RHOBTB1: variants seen among roughly 807,000 people sequenced by gnomAD.
The protein encoded by RHOBTB1 is rho-related BTB domain-containing protein 1.
A neutral mutation model predicts 71.6 loss-of-function variants in RHOBTB1; 40 were observed. The ratio of observed to expected loss-of-function variants is 0.56; its 90% CI spans 0.43 to 0.73. The LOEUF is 0.73. RHOBTB1 is among the 30% of genes least tolerant of loss of function. The pLI, the probability that RHOBTB1 is intolerant of heterozygous loss-of-function variation, is 0.00. For synonymous variants in RHOBTB1, 319 were observed against 334.9 expected, an observed-to-expected ratio of 0.95 and a Z score of 0.52; for missense variants, 797 against 894.0, an observed-to-expected ratio of 0.89 and a Z score of 1.38.
At chr10:60,907,665 ATGG>A (rs2082747329) in intron 4 of RHOBTB1, among the ~76,000 whole-genome samples, 1 of 152,170 alleles carries the variant, frequency 6.6e-6, no homozygotes, top group Admixed American at 6.5e-5. Context: ...TTTTGGATAG[ATGG>A]ATGATTTCCC....
intron 4 of RHOBTB1, among the ~76,000 whole-genome samples, chr10:60,907,429 T>C (rs927930187): frequency 6.6e-6 from 1 of 152,192 alleles, no homozygotes; most frequent in Non-Finnish European, 1.5e-5. Context: ...ATGGTTACTA[T>C]GTATGGTTTT....
intron 4 of RHOBTB1, among the ~76,000 whole-genome samples, chr10:60,908,103 G>A (rs955874116): frequency 6.6e-6 from 1 of 152,162 alleles, no homozygotes; most frequent in African/African-American, 2.4e-5. Flanking sequence ...ATAACACTGT[G>A]GTTATACCAC....
intron 8 of RHOBTB1, among the ~76,000 whole-genome samples, chr10:60,875,431 G>A (rs1420392439): frequency 2.0e-5 from 3 of 152,148 alleles, no homozygotes; most frequent in Admixed American, 6.5e-5. Flanking sequence ...AGCCACATGT[G>A]GCCGCTGTTT....
At chr10:60,975,062 T>C (rs184100281) in intron 2 of RHOBTB1, among the ~76,000 whole-genome samples, 3 of 152,200 alleles carry the variant, frequency 2.0e-5, no homozygotes, top group Admixed American at 1.3e-4. Flanking sequence ...TATAGCAGCA[T>C]GCCAATATAC....
Position 60,874,998 on chromosome 10 carries a change from C to G in RHOBTB1, c.1771G>C (p.Val591Leu). The change falls in exon 9 of 11, where the codon GTG (valine) becomes CTG (leucine). Residue 591 changes from valine to leucine, a missense_variant. Coordinates refer to ENST00000337910, the MANE Select transcript of RHOBTB1 (RefSeq NM_014836.5). ...GAGAGCACTTCTCCGTCAATGCCCA[C>G]GCCACTCGTGGCGGCTTTGGTCAAC... ...QELTKAATSG[V>L]GIDGEVLSYL... The G allele has an allele frequency of 1.9e-6, 3 of 1,614,104 alleles. No homozygotes were observed. The highest frequency in any genetic ancestry group is 2.5e-6 in the Non-Finnish European group (3 of 1,179,972).
At chr10:60,937,947 G>T (rs4542350) in intron 2 of RHOBTB1, among the ~76,000 whole-genome samples, 7 of 152,116 alleles carry the variant, frequency 4.6e-5, no homozygotes, top group East Asian at 1.9e-4. Flanking sequence ...ACCCTCTGAG[G>T]GGGGAGGGGA....
chr10:60,898,111 A>T (rs1220505002), intron 4 of RHOBTB1, among the ~76,000 whole-genome samples: 1 of 152,084 alleles, frequency 6.6e-6, no homozygotes, highest in Non-Finnish European at 1.5e-5. Flanking sequence ...ATATGTCATC[A>T]TTGACTATTA....
chr10:60,923,561 T>C (rs2083688512), intron 2 of RHOBTB1, among the ~76,000 whole-genome samples: 1 of 152,218 alleles, frequency 6.6e-6, no homozygotes, highest in South Asian at 2.1e-4. Context: ...TTACTCATGA[T>C]TGACCAAAGA....
intron 5 of RHOBTB1, 47 bp downstream of exon 5, chr10:60,892,763 A>T: frequency 6.5e-7 from 1 of 1,542,666 alleles, no homozygotes; most frequent in Non-Finnish European, 8.8e-7. Flanking sequence ...GCTGCCTGTA[A>T]ATTTTAACTT....
intron 4 of RHOBTB1, among the ~76,000 whole-genome samples, chr10:60,896,755 G>T (rs890394804): frequency 1.3e-5 from 2 of 152,070 alleles, no homozygotes; most frequent in South Asian, 2.1e-4. Flanking sequence ...TAAAAATTTC[G>T]CTGGGTACTA....
chr10:60,896,939 A>G (rs1213763894), intron 4 of RHOBTB1, among the ~76,000 whole-genome samples: 2 of 152,198 alleles, frequency 1.3e-5, no homozygotes, highest in African/African-American at 2.4e-5. Flanking sequence ...GCTCAGCTGC[A>G]TCAGTTTTAC....
intron 2 of RHOBTB1, among the ~76,000 whole-genome samples, chr10:60,967,740 C>T (rs1316814880): frequency 6.6e-6 from 1 of 151,934 alleles, no homozygotes; most frequent in Non-Finnish European, 1.5e-5. Flanking sequence ...TTTCTTTATT[C>T]CTTAGAAATG....
intron 2 of RHOBTB1, among the ~76,000 whole-genome samples, chr10:60,914,634 C>T (rs1273221799): frequency 6.6e-6 from 1 of 152,062 alleles, no homozygotes; most frequent in Non-Finnish European, 1.5e-5. Flanking sequence ...AGAAGGAATC[C>T]CCCAAATAAG....
intron 2 of RHOBTB1, among the ~76,000 whole-genome samples, chr10:60,984,755 ATTTACT>A (rs2086607643): frequency 6.6e-6 from 1 of 152,188 alleles, no homozygotes; most frequent in African/African-American, 2.4e-5. Flanking sequence ...CTGGGTGGAC[ATTTACT>A]TTTGCTTTGT....
intron 2 of RHOBTB1, among the ~76,000 whole-genome samples, chr10:60,919,616 A>C (rs2083448094): frequency 6.6e-6 from 1 of 152,224 alleles, no homozygotes; most frequent in African/African-American, 2.4e-5. Flanking sequence ...TGTTGTAATC[A>C]ACATTATTTT....
chr10:60,872,024 A>G, intron 10 of RHOBTB1, 161 bp downstream of exon 10: 1 of 677,718 alleles, frequency 1.5e-6, no homozygotes, highest in Non-Finnish European at 2.6e-6. Flanking sequence ...CCAGCCTTCA[A>G]TTCCTTATGT....
chr10:60,882,140 G>A (rs1441728302), intron 7 of RHOBTB1, among the ~76,000 whole-genome samples: 1 of 150,902 alleles, frequency 6.6e-6, no homozygotes, highest in Non-Finnish European at 1.5e-5. Flanking sequence ...TATAAGCAAA[G>A]CTTCATAAAT....
intron 4 of RHOBTB1, among the ~76,000 whole-genome samples, chr10:60,895,896 A>C (rs976213612): frequency 6.6e-6 from 1 of 152,274 alleles, no homozygotes; most frequent in Non-Finnish European, 1.5e-5. Context: ...CAATGGACGC[A>C]GTGACAGAGC....
At chr10:60,920,629 T>A (rs1419151319) in intron 2 of RHOBTB1, among the ~76,000 whole-genome samples, 2 of 151,938 alleles carry the variant, frequency 1.3e-5, no homozygotes, top group Non-Finnish European at 2.9e-5. Context: ...TGCTTTTTTT[T>A]TTTTTTTAAG....
Sources: allele counts gnomAD v4.1 joint callset (sites outside exome capture counted in the v4.1 genomes callset), GRCh38; gene constraint gnomAD v4.1.1; transcripts MANE v1.5; gene names NCBI Gene and HGNC (gene_info 2026-07-23, HGNC 2026-07-21).